ZBTB44: variants seen among roughly 807,000 people sequenced by gnomAD.
ZBTB44 encodes zinc finger and BTB domain-containing protein 44.
ZBTB44 carries 15 observed loss-of-function variants against 54.0 expected under a neutral mutation model. That is an observed-to-expected ratio of 0.28 (90% CI 0.19 to 0.43). The LOEUF (loss-of-function observed/expected upper bound fraction) is 0.43. Among genes scored for constraint, ZBTB44 ranks in the 20% least tolerant of loss-of-function variants. ZBTB44 has a pLI of 1.00. For synonymous variants in ZBTB44, 230 were observed against 250.1 expected (o/e 0.92, Z 0.76); for missense variants, 487 against 707.1 (o/e 0.69, Z 3.53).
intron 7 of ZBTB44, chr11:130,232,272 G>GTATT (rs1953904536): frequency 6.6e-6 from 1 of 152,152 alleles, no homozygotes; most frequent in South Asian, 2.1e-4. Context: ...CTAAAGAACT[G>GTATT]TATTTTCTGT....
At chr11:130,301,642 C>A (rs1941994423) in intron 1 of ZBTB44, among the ~76,000 whole-genome samples, 1 of 151,960 alleles carries the variant, frequency 6.6e-6, no homozygotes, top group South Asian at 2.1e-4. Flanking sequence ...CCAGCCTGGG[C>A]AATTGAGCCA....
intron 1 of ZBTB44, chr11:130,296,036 T>C: frequency 6.3e-7 from 1 of 1,580,500 alleles, no homozygotes; most frequent in Non-Finnish European, 8.7e-7. Context: ...CTGCAGTGTC[T>C]GGTTATTGAT....
chr11:130,287,239 G>C (rs938324893), intron 1 of ZBTB44, among the ~76,000 whole-genome samples: 14 of 151,766 alleles, frequency 9.2e-5, no homozygotes, highest in African/African-American at 2.9e-4. Context: ...ATCAAAACTG[G>C]GTATCATCCA....
intron 1 of ZBTB44, among the ~76,000 whole-genome samples, chr11:130,281,152 T>A (rs552028050): frequency 6.6e-6 from 1 of 152,312 alleles, no homozygotes; most frequent in South Asian, 2.1e-4. Flanking sequence ...ATAGGGAAAT[T>A]CATTCCCTTA....
At chr11:130,247,902 T>C (rs1355217422) in intron 2 of ZBTB44, among the ~76,000 whole-genome samples, 1 of 152,210 alleles carries the variant, frequency 6.6e-6, no homozygotes, top group East Asian at 1.9e-4. Context: ...ACCAGCAGTC[T>C]TTTTTCTCCT....
chr11:130,296,629 C>A (rs1485124812), intron 1 of ZBTB44: 3 of 890,980 alleles, frequency 3.4e-6, no homozygotes, highest in Non-Finnish European at 5.7e-6. Flanking sequence ...ATGCCTTGCC[C>A]ATTTTGGGCC....
chr11:130,284,412 A>G (rs1472571355), intron 1 of ZBTB44, among the ~76,000 whole-genome samples: 1 of 152,204 alleles, frequency 6.6e-6, no homozygotes, highest in East Asian at 1.9e-4. Context: ...CTCAACAAAC[A>G]TTTACTGGTG....
chr11:130,295,515 C>T (rs1941588408), intron 1 of ZBTB44: 2 of 704,730 alleles, frequency 2.8e-6, no homozygotes, highest in Non-Finnish European at 5.3e-6. Context: ...GTAGAGAAGC[C>T]AGATAATGAT....
chr11:130,272,230 C>CA (rs1024944222), intron 1 of ZBTB44, among the ~76,000 whole-genome samples: 5,144 of 140,664 alleles, frequency 0.037, 264 homozygotes, highest in African/African-American at 0.12. Context: ...ACTCCGTCTC[C>CA]AAAAAAAAAA....
chr11:130,240,395 T>C (rs1030093304), intron 2 of ZBTB44, among the ~76,000 whole-genome samples: 2 of 152,176 alleles, frequency 1.3e-5, no homozygotes, highest in Admixed American at 6.5e-5. Flanking sequence ...TGTAAGATAA[T>C]AGTCTTATAT....
rs1021936719 is a variant in ZBTB44, at chr11:130,228,973, T to C, written c.*2791A>G. ...AATTTTAAAGTTAAAAAAAGTTTTGTTTTTAATCCGCAGTCCTTACTCTTA... is the reference window on the plus strand; with the variant it reads ...AATTTTAAAGTTAAAAAAAGTTTTGCTTTTAATCCGCAGTCCTTACTCTTA... On this transcript the variant is annotated 3_prime_UTR_variant, in exon 8 of 8. Transcript: ENST00000357899. The C allele has an allele frequency of 6.6e-6, 1 of 152,194 alleles. No homozygotes were observed. Among genetic ancestry groups the C allele is most frequent in the African/African-American group, 2.4e-5 (1 of 41,458 alleles). The allele number at this position is 152,194 out of a possible 1,614,324, so 9.4% of individuals were successfully genotyped here. A position where few individuals can be genotyped will look rare whatever the true frequency, so the allele number is the denominator to read the frequency against.
Position 130,238,598 on chromosome 11 carries a change from A to G in ZBTB44, c.1113T>C (p.Asn371=), listed in dbSNP as rs1450644673. The G allele has an allele frequency of 1.2e-6, 2 of 1,609,490 alleles. No individual in the cohort carries two copies. Among genetic ancestry groups the G allele is most frequent in the African/African-American group, 1.3e-5 (1 of 74,706 alleles). The change falls in exon 4 of 8, where the codon AAT becomes AAC. Residue 371 remains asparagine, a synonymous_variant. Transcript: ENST00000357899. The part of the protein sequence containing the change: ...APPDDDDRLE[N]VQYPYQLYIA... The stretch of plus-strand genomic sequence containing the variant: ...TGTAGAGTTGGTAGGGATACTGAAC[A>G]TTTTCCAATCTAAAAAAAACAGACC...
intron 1 of ZBTB44, among the ~76,000 whole-genome samples, chr11:130,283,585 AAC>A (rs1940697498): frequency 1.3e-5 from 2 of 152,212 alleles, no homozygotes; most frequent in African/African-American, 4.8e-5. Flanking sequence ...ATTTTTAATA[AAC>A]ACAATTATAT....
At chr11:130,280,460 C>T (rs188772334) in intron 1 of ZBTB44, among the ~76,000 whole-genome samples, 48 of 152,168 alleles carry the variant, frequency 3.2e-4, no homozygotes, top group African/African-American at 1.1e-3. Flanking sequence ...GAAGTAAAAA[C>T]GACAGAAATG....
At chr11:130,287,028 G>A (rs776503760) in intron 1 of ZBTB44, among the ~76,000 whole-genome samples, 13 of 152,216 alleles carry the variant, frequency 8.5e-5, no homozygotes, top group Non-Finnish European at 1.9e-4. Context: ...TGACCAGCTA[G>A]AGTGCTAGAC....
intron 5 of ZBTB44, chr11:130,236,028 C>CATGT (rs1954093306): frequency 2.0e-6 from 2 of 1,001,086 alleles, no homozygotes; most frequent in Admixed American, 4.4e-5. Flanking sequence ...AGGATTCCTA[C>CATGT]AGAAGTACAA....
chr11:130,312,349 G>A (rs1196000557), intron 1 of ZBTB44, among the ~76,000 whole-genome samples: 1 of 152,154 alleles, frequency 6.6e-6, no homozygotes, highest in Non-Finnish European at 1.5e-5. Flanking sequence ...TAATCAAATG[G>A]TTACATTTAG....
chr11:130,236,024 C>A, intron 5 of ZBTB44: 1 of 986,326 alleles, frequency 1.0e-6, no homozygotes, highest in Non-Finnish European at 1.3e-6. Context: ...ACTAAGGATT[C>A]CTACAGAAGT....
intron 1 of ZBTB44, among the ~76,000 whole-genome samples, chr11:130,303,513 T>C (rs1942093625): frequency 1.3e-5 from 2 of 152,134 alleles, no homozygotes; most frequent in Non-Finnish European, 2.9e-5. Context: ...CGCATGCCTG[T>C]AATCCCAGCT....
Sources: allele counts gnomAD v4.1 joint callset (sites outside exome capture counted in the v4.1 genomes callset), GRCh38; gene constraint gnomAD v4.1.1; transcripts MANE v1.5; gene names NCBI Gene and HGNC (gene_info 2026-07-23, HGNC 2026-07-21).